The following PGAP2 variants were observed in gnomAD, a reference collection of about 807,000 sequenced individuals.
PGAP2 encodes the protein acyltransferase PGAP2.
In PGAP2, 21 loss-of-function variants were observed where a neutral mutation model predicts 33.2. The ratio of observed to expected loss-of-function variants is 0.63; its 90% confidence interval spans 0.45 to 0.91. PGAP2 has a LOEUF of 0.91. Among genes scored for constraint, PGAP2 ranks in the 40% least tolerant of loss-of-function variants. The pLI is 0.00. For missense variants in PGAP2, 345 were observed against 424.0 expected, an observed-to-expected ratio of 0.81 and a Z score of 1.64; for synonymous variants, 161 against 172.9, an observed-to-expected ratio of 0.93 and a Z score of 0.54.
At chr11:3,810,202 G>T (rs2085260757) in intron 1 of PGAP2, among the ~76,000 whole-genome samples, 1 of 152,136 alleles carries the variant, frequency 6.6e-6, no homozygotes, top group African/African-American at 2.4e-5. Context: ...GTAGATTTTG[G>T]TTTTTCCTTT....
chr11:3,815,141 G>A (rs1049819960), intron 2 of PGAP2, among the ~76,000 whole-genome samples: 7 of 151,834 alleles, frequency 4.6e-5, no homozygotes, highest in African/African-American at 1.7e-4. Context: ...GTTTCACTAT[G>A]CTGGCCAGGC....
chr11:3,806,019 TTATAGACGAGGAAACAGAGGC>T (rs2134215142), upstream of PGAP2, among the ~76,000 whole-genome samples: 1 of 152,152 alleles, frequency 6.6e-6, no homozygotes, highest in African/African-American at 2.4e-5. Context: ...TAAAACCATT[TTATAGACGAGGAAACAGAGGC>T]TCAGGGCTAT....
upstream of PGAP2, among the ~76,000 whole-genome samples, chr11:3,806,324 A>T (rs971305347): frequency 3.3e-5 from 5 of 152,128 alleles, no homozygotes; most frequent in Non-Finnish European, 5.9e-5. Flanking sequence ...GGAGAGAGGT[A>T]GTTCTTTTTG....
chr11:3,821,358 G>A (rs1193261784), intron 3 of PGAP2, among the ~76,000 whole-genome samples: 1 of 152,260 alleles, frequency 6.6e-6, no homozygotes, highest in Non-Finnish European at 1.5e-5. Flanking sequence ...CCCTTGCTGG[G>A]TTGCTGGGCT....
rs61896956 is a variant in PGAP2 at position 3,808,632 on chromosome 11, C to G, written c.-30C>G. The stretch of plus-strand genomic sequence containing the variant: ...CCTGGGCCCCCGGGTTCCGCCGGCA[C>G]TCTCGCCACCACCGCGTGGGTGAGT... On this transcript the variant is annotated 5_prime_UTR_variant, in exon 1 of 7. Coordinates refer to ENST00000278243, the MANE Select transcript of PGAP2 (RefSeq NM_014489.4). 148,440 of 1,293,316 alleles carry G rather than the reference C, an allele frequency of 0.11. 9,426 individuals carry two copies. The highest frequency in any genetic ancestry group is 0.15 in the Middle Eastern group (485 of 3,260). The allele number at this position is 1,293,316 out of a possible 1,614,324, so 80.1% of individuals were successfully genotyped here. A position where few individuals can be genotyped will look rare whatever the true frequency, so the allele number is the denominator to read the frequency against.
chr11:3,800,328 C>T (rs1004387526), intron 1 of PGAP2, among the ~76,000 whole-genome samples: 24 of 152,108 alleles, frequency 1.6e-4, no homozygotes, highest in African/African-American at 5.8e-4. Context: ...TTTGGTGTCC[C>T]TAAGGCAGGG....
At chr11:3,797,730 C>A, upstream of PGAP2, 1 of 1,249,184 alleles carries the variant, frequency 8.0e-7, no homozygotes, top group South Asian at 1.5e-5. Context: ...AGAAGGAGTT[C>A]GGGGAGGCAC....
chr11:3,798,042 T>G (rs1242406930), intron 1 of PGAP2: 6 of 1,526,482 alleles, frequency 3.9e-6, no homozygotes, highest in Non-Finnish European at 5.3e-6. Context: ...GGCTTCCTAG[T>G]CTCTCTGCCC....
chr11:3,816,776 C>T (rs1590295450), intron 2 of PGAP2, among the ~76,000 whole-genome samples: 1 of 152,162 alleles, frequency 6.6e-6, no homozygotes, highest in African/African-American at 2.4e-5. Flanking sequence ...TCCCTCTGTT[C>T]CTAGTTGAAC....
Position 3,811,155 on chromosome 11 carries a change from A to ACC in PGAP2, c.-10-94_-10-93insCC. 1 of 1,183,292 alleles carries ACC rather than the reference A, an allele frequency of 8.5e-7. No individual in the cohort carries two copies. The allele number at this position is 1,183,292 out of a possible 1,614,324, so 73.3% of individuals were successfully genotyped here. A position where few individuals can be genotyped will look rare whatever the true frequency, so the allele number is the denominator to read the frequency against. On this transcript the variant is annotated intron_variant, in intron 1 of 6. Transcript: ENST00000278243. The surrounding 1 kb of genome is among the most constrained non-coding windows in gnomAD (Gnocchi z 4.6). ...CCTCAGACTCCCCACCCCACAGCACACAGCTAATTTTAGGACTGAGCACAA... is the reference window on the plus strand; with the variant it reads ...CCTCAGACTCCCCACCCCACAGCACACCCAGCTAATTTTAGGACTGAGCACAA...
chr11:3,812,420 C>G (rs537743258), intron 2 of PGAP2, among the ~76,000 whole-genome samples: 1 of 152,040 alleles, frequency 6.6e-6, no homozygotes, highest in African/African-American at 2.4e-5. Flanking sequence ...ATAGTGAGAC[C>G]CCCATTTCTA....
chr11:3,811,857 G>A lies in PGAP2; in HGVS notation c.165+433G>A, dbSNP rs1039051249. Among the ~76,000 whole-genome samples the A allele has an allele frequency of 6.6e-6, 1 of 152,308 alleles. No individual in the cohort carries two copies. Among genetic ancestry groups the A allele is most frequent in the South Asian group, 2.1e-4 (1 of 4,826 alleles). ...GTGGAGAGAGAACAGGATTGGGCTAGAGGGTATTTTGGGCCTCTTAATGTA... is the reference window on the plus strand; with the variant it reads ...GTGGAGAGAGAACAGGATTGGGCTAAAGGGTATTTTGGGCCTCTTAATGTA... On this transcript the variant is annotated intron_variant, in intron 2 of 6. Transcript: ENST00000278243. The surrounding 1 kb of genome is among the most constrained non-coding windows in gnomAD (Gnocchi z 4.6).
At chr11:3,797,911 C>T (rs889144356) in exon 1 of PGAP2, 7 of 1,548,144 alleles carry the variant, frequency 4.5e-6, no homozygotes, top group Admixed American at 2.0e-5. Context: ...GACTCCGCCC[C>T]CTTCCTTGGA....
chr11:3,808,116 A>C, upstream of PGAP2: 1 of 1,461,896 alleles, frequency 6.8e-7, no homozygotes, highest in South Asian at 1.4e-5. Flanking sequence ...AAATGTCCCC[A>C]ACCGCCCTGA....
chr11:3,811,537 C>T lies in PGAP2; in HGVS notation c.165+113C>T, dbSNP rs1213630789. On this transcript the variant is annotated intron_variant, in intron 2 of 6. Coordinates refer to ENST00000278243, the MANE Select transcript of PGAP2 (RefSeq NM_014489.4). The surrounding 1 kb of genome is among the most constrained non-coding windows in gnomAD (Gnocchi z 4.6). ...TCTCCACTGGGGCCCATCAAACATACGGGGCTGCTGGGGGGATGCCTGCAA... is the reference window on the plus strand; with the variant it reads ...TCTCCACTGGGGCCCATCAAACATATGGGGCTGCTGGGGGGATGCCTGCAA... 1.5e-5 allele frequency: 15 copies of T among 1,012,902 alleles called. No homozygotes were observed. The highest frequency in any genetic ancestry group is 4.9e-5 in the African/African-American group (3 of 61,748). 62.7% of individuals were successfully genotyped at this position (1,012,902 alleles called of 1,614,324 possible).
In PGAP2 at chr11:3,825,675, G is replaced by C; in HGVS notation, c.*217G>C. ...GGGTCCTCAAACATCACCTTTACCT[G>C]AGAGGCCCCAAGAAGCTGAGCTGGC... On this transcript the variant is annotated 3_prime_UTR_variant, in exon 7 of 7. Coordinates refer to ENST00000278243, the MANE Select transcript of PGAP2 (RefSeq NM_014489.4). 5.2e-6 allele frequency: 2 copies of C among 383,666 alleles called. No homozygotes were observed. Among genetic ancestry groups the C allele is most frequent in the Non-Finnish European group, 4.7e-6 (1 of 211,302 alleles). The allele number at this position is 383,666 out of a possible 1,614,324, so 23.8% of individuals were successfully genotyped here.
chr11:3,825,657 C>A lies in PGAP2; in HGVS notation c.*199C>A. On this transcript the variant is annotated 3_prime_UTR_variant, in exon 7 of 7. Coordinates refer to ENST00000278243, the MANE Select transcript of PGAP2 (RefSeq NM_014489.4). ...ACCCCTCATATGGGCGTGGGGTCCT[C>A]AAACATCACCTTTACCTGAGAGGCC... is the stretch of plus-strand genomic sequence containing the variant. 1.0e-5 allele frequency: 4 copies of A among 393,138 alleles called. No homozygotes were observed. The highest frequency in any genetic ancestry group is 1.9e-5 in the Non-Finnish European group (4 of 215,036). 24.4% of individuals were successfully genotyped at this position (393,138 alleles called of 1,614,324 possible). A position where few individuals can be genotyped will look rare whatever the true frequency, so the allele number is the denominator to read the frequency against.
Position 3,825,756 on chromosome 11 carries a change from C to CGAG in PGAP2, c.*298_*299insGAG. On this transcript the variant is annotated 3_prime_UTR_variant, in exon 7 of 7. Coordinates refer to ENST00000278243, the MANE Select transcript of PGAP2 (RefSeq NM_014489.4). The stretch of plus-strand genomic sequence containing the variant: ...AAAACGTCCTGAGGTTCATGACCAC[C>CGAG]ATCCAGTTTCTGGCCTTTACACAGT... 1.8e-5 allele frequency: 5 copies of CGAG among 279,912 alleles called. No individual in the cohort carries two copies. Among genetic ancestry groups the CGAG allele is most frequent in the South Asian group, 9.8e-5 (2 of 20,422 alleles). 17.3% of individuals were successfully genotyped at this position (279,912 alleles called of 1,614,324 possible).
intron 1 of PGAP2, among the ~76,000 whole-genome samples, chr11:3,800,573 AG>A (rs1379694311): frequency 6.6e-6 from 1 of 152,070 alleles, no homozygotes; most frequent in African/African-American, 2.4e-5. Flanking sequence ...GCACTTTGGG[AG>A]GCCGAGGTGG....
Sources: gnomAD v4.1 joint callset for allele counts (sites outside exome capture counted in the v4.1 genomes callset) on GRCh38, gnomAD v4.1.1 for gene constraint, Gnocchi (gnomAD v3.1) non-coding constraint, MANE v1.5 for transcripts, NCBI Gene and HGNC (gene_info 2026-07-23, HGNC 2026-07-21) for gene names.